Variants in ZDHHC17 observed in about 807,000 individuals in gnomAD.
ZDHHC17 encodes the protein zDHHC palmitoyltransferase 17, also known as palmitoyltransferase ZDHHC17.
ZDHHC17 carries 40 observed loss-of-function variants against 90.3 expected under a neutral mutation model. The observed-to-expected ratio is 0.44, with a 90% CI of 0.34 to 0.58. The LOEUF (loss-of-function observed/expected upper bound fraction) is 0.58, where lower values mean the gene tolerates loss of function less well. ZDHHC17 is among the 20% of genes least tolerant of loss of function. ZDHHC17 has a pLI of 0.01. For missense variants in ZDHHC17, 614 were observed against 780.8 expected, an observed-to-expected ratio of 0.79 and a Z score of 2.55; for synonymous variants, 235 against 252.4, an observed-to-expected ratio of 0.93 and a Z score of 0.65.
In ZDHHC17 at chr12:76,802,206, A is replaced by G. The variant is rs112964631; in HGVS notation, c.198-3111A>G. Among the ~76,000 whole-genome samples, 1,172 of 152,244 alleles carry G rather than the reference A, an allele frequency of 7.7e-3. 19 individuals are homozygous for G. Among genetic ancestry groups the G allele is most frequent in the African/African-American group, 0.024 (1,009 of 41,520 alleles). On this transcript the variant is annotated intron_variant, in intron 2 of 16. Coordinates refer to ENST00000426126, the MANE Select transcript of ZDHHC17 (RefSeq NM_015336.4). ...ATTTCTTCCCCTCTTTTGAAGGACA[A>G]TTTTGCTGAATATAGGATTTTTGGT... is the stretch of plus-strand genomic sequence containing the variant.
At chr12:76,797,384 C>A in intron 1 of ZDHHC17, 50 bp from the exon 2 acceptor site, 1 of 1,312,066 alleles carries the variant, frequency 7.6e-7, no homozygotes, top group Non-Finnish European at 1.1e-6. Flanking sequence ...GAAATATTTT[C>A]TGTACCTCTT....
chr12:76,815,876 C>G lies in ZDHHC17; in HGVS notation c.628C>G (p.Leu210Val). The G allele has an allele frequency of 6.6e-7, 1 of 1,505,818 alleles. No individual in the cohort carries two copies. 93.3% of individuals were successfully genotyped at this position (1,505,818 alleles called of 1,614,324 possible). A position where few individuals can be genotyped will look rare whatever the true frequency, so the allele number is the denominator to read the frequency against. The change falls in exon 7 of 17, where the codon CTT becomes GTT. Residue 210 changes from leucine (L) to valine (V), a missense_variant. Physicochemically the swap from Leu to Val is conservative, Grantham distance 32. This residue lies in a region of ZDHHC17 where 358 missense variants were observed against 380.4 expected (regional missense o/e 0.94). Transcript: ENST00000426126. Reference sequence around the variant, plus strand: ...TTTCAGTGTGGATCCAACTAGATTGCTTTTAACATTCAATGTTTCAGTTAA... The same window carrying G: ...TTTCAGTGTGGATCCAACTAGATTGGTTTTAACATTCAATGTTTCAGTTAA... ...RTHSVDPTRL[L>V]LTFNVSVNLG...
intron 1 of ZDHHC17, among the ~76,000 whole-genome samples, chr12:76,766,935 C>G (rs1160126018): frequency 6.6e-6 from 1 of 150,840 alleles, no homozygotes; most frequent in Non-Finnish European, 1.5e-5. Context: ...GGGAGGATTG[C>G]TTGAGCCTGG....
chr12:76,797,935 ACT>A (rs957355785), intron 2 of ZDHHC17, among the ~76,000 whole-genome samples: 4 of 107,962 alleles, frequency 3.7e-5, no homozygotes, highest in Non-Finnish European at 5.5e-5. Flanking sequence ...CAAGAGTGAA[ACT>A]CTGCCACACA....
intron 1 of ZDHHC17, among the ~76,000 whole-genome samples, chr12:76,780,757 C>T (rs1056179034): frequency 1.3e-5 from 2 of 152,158 alleles, no homozygotes; most frequent in Admixed American, 6.5e-5. Flanking sequence ...TGATAAACTT[C>T]TTCACTTTTC....
chr12:76,805,561 TG>T (rs1414647497), intron 3 of ZDHHC17, 122 bp downstream of exon 3: 55 of 912,366 alleles, frequency 6.0e-5, no homozygotes, highest in Non-Finnish European at 1.6e-6. Context: ...AGATAGATTC[TG>T]TGTACCTTGT....
At chr12:76,824,557 TAAAA>T (rs111954466) in intron 8 of ZDHHC17, among the ~76,000 whole-genome samples, 90,529 of 151,430 alleles carry the variant, frequency 0.6, 27,082 homozygotes, top group East Asian at 0.66. Flanking sequence ...TATTTAAAAC[TAAAA>T]AAGAAAGTAG....
intron 14 of ZDHHC17, among the ~76,000 whole-genome samples, chr12:76,847,751 A>T (rs1211620365): frequency 6.6e-6 from 1 of 152,104 alleles, no homozygotes; most frequent in Non-Finnish European, 1.5e-5. Context: ...CCAGCTACTC[A>T]GGTGGCTGAG....
Position 76,842,005 on chromosome 12 carries a change from C to G in ZDHHC17, c.1165C>G (p.Leu389Val). 6.3e-7 allele frequency: 1 copy of G among 1,583,244 alleles called. No homozygotes were observed. The highest frequency in any genetic ancestry group is 8.6e-7 in the Non-Finnish European group (1 of 1,165,716). The part of the protein sequence containing the change: ...WNDLNFLFIH[L>V]PFLANSVALF... The stretch of plus-strand genomic sequence containing the variant: ...ACATCTCAACTTTTTATTTATCCAT[C>G]TTCCATTCCTTGCCAATAGTGTTGC... The change falls in exon 11 of 17, where the codon CTT becomes GTT. Residue 389 changes from leucine to valine, a missense_variant. Physicochemically the swap from Leu to Val is conservative, Grantham distance 32. Around this residue, in one of 5 missense-constraint regions of ZDHHC17, gnomAD observed 117 missense variants for 183.6 expected, o/e 0.64. Transcript: ENST00000426126.
intron 1 of ZDHHC17, among the ~76,000 whole-genome samples, chr12:76,767,757 T>TA (rs1257452444): frequency 6.6e-6 from 1 of 152,060 alleles, no homozygotes; most frequent in Non-Finnish European, 1.5e-5. Flanking sequence ...TTGTCTCTAT[T>TA]AAAAATACAA....
intron 1 of ZDHHC17, among the ~76,000 whole-genome samples, chr12:76,782,238 A>G (rs1952635186): frequency 6.6e-6 from 1 of 152,220 alleles, no homozygotes. Context: ...AGGAAGGAAG[A>G]TGGTCCTTTA....
intron 1 of ZDHHC17, among the ~76,000 whole-genome samples, chr12:76,766,216 T>C (rs966714701): frequency 5.3e-5 from 8 of 152,200 alleles, no homozygotes; most frequent in African/African-American, 2.4e-5. Context: ...TCATCATTGA[T>C]AGTGGGAATT....
At chr12:76,803,496 C>T (rs1002674771) in intron 2 of ZDHHC17, among the ~76,000 whole-genome samples, 3 of 152,150 alleles carry the variant, frequency 2.0e-5, no homozygotes, top group Non-Finnish European at 4.4e-5. Context: ...TCTGCTGAGG[C>T]AATGGTAATT....
chr12:76,849,663 T>A, intron 16 of ZDHHC17, 193 bp downstream of exon 16: 4 of 401,136 alleles, frequency 1.0e-5, no homozygotes. Flanking sequence ...AGTTGTGATA[T>A]CTCCTTATAT....
intron 5 of ZDHHC17, among the ~76,000 whole-genome samples, chr12:76,811,451 C>T (rs1477020192): frequency 4.6e-5 from 7 of 151,654 alleles, no homozygotes; most frequent in Non-Finnish European, 1.5e-5. Flanking sequence ...TTTTTTTTAA[C>T]TTATTGATTT....
chr12:76,833,903 T>C (rs923087139), intron 10 of ZDHHC17, among the ~76,000 whole-genome samples: 23 of 152,160 alleles, frequency 1.5e-4, no homozygotes, highest in Non-Finnish European at 7.4e-5. Context: ...CTTCGTATTA[T>C]TTATAGTAGG....
chr12:76,778,609 A>G (rs1221389956), intron 1 of ZDHHC17, among the ~76,000 whole-genome samples: 1 of 152,262 alleles, frequency 6.6e-6, no homozygotes, highest in African/African-American at 2.4e-5. Context: ...CTGAGTCAGC[A>G]ACCATAATAA....
chr12:76,839,308 G>A (rs745572533), intron 10 of ZDHHC17, among the ~76,000 whole-genome samples: 3 of 152,226 alleles, frequency 2.0e-5, no homozygotes, highest in African/African-American at 7.2e-5. Flanking sequence ...AGGTAGAGCA[G>A]GATTAGGAGC....
intron 1 of ZDHHC17, among the ~76,000 whole-genome samples, chr12:76,790,167 A>T (rs11115424): frequency 0.011 from 1,678 of 152,160 alleles, 11 homozygotes; most frequent in Non-Finnish European, 0.017. Flanking sequence ...TTTTAAAGAG[A>T]TAGGAAGAGG....
Sources: gnomAD v4.1 joint callset for allele counts (sites outside exome capture counted in the v4.1 genomes callset) on GRCh38, gnomAD v4.1.1 for gene constraint, gnomAD v4.1.1 regional missense constraint, MANE v1.5 for transcripts, NCBI Gene and HGNC (gene_info 2026-07-23, HGNC 2026-07-21) for gene names.